Variants in HDAC9 observed in about 807,000 individuals in gnomAD.
The protein encoded by HDAC9 is histone deacetylase 9.
HDAC9 carries 41 observed loss-of-function variants against 139.4 expected under a neutral mutation model. The ratio of observed to expected loss-of-function variants is 0.29; its 90% confidence interval spans 0.23 to 0.38. The LOEUF is 0.38. Among genes scored for constraint, HDAC9 ranks in the 10% least tolerant of loss-of-function variants. The pLI is 1.00. For synonymous variants in HDAC9, 517 were observed against 476.2 expected (o/e 1.09, Z -1.12); for missense variants, 1,147 against 1,297.0 (o/e 0.88, Z 1.78).
rs929770631 is a variant in HDAC9, at chr7:18,998,105, A to G, written c.*2043A>G. On this transcript the variant is annotated 3_prime_UTR_variant, in exon 26 of 26. Coordinates refer to ENST00000686413, the MANE Select transcript of HDAC9 (RefSeq NM_178425.4). ...AAAAAAATAGTAGAGCCAAAGGCTT[A>G]ACAAAAGACTCTCCCCCATTTTAAA... The G allele has an allele frequency of 1.3e-5, 2 of 152,178 alleles. No homozygotes were observed. The highest frequency in any genetic ancestry group is 6.5e-5 in the Admixed American group (1 of 15,278). The allele number at this position is 152,178 out of a possible 1,614,324, so 9.4% of individuals were successfully genotyped here. A position where few individuals can be genotyped will look rare whatever the true frequency, so the allele number is the denominator to read the frequency against.
intron 2 of HDAC9, among the ~76,000 whole-genome samples, chr7:18,180,441 T>A (rs1466366181): frequency 1.3e-5 from 2 of 152,118 alleles, no homozygotes; most frequent in East Asian, 3.9e-4. Flanking sequence ...GCTAAGTCAC[T>A]GATAAGATTG....
At chr7:18,313,689 G>T (rs1042577348) in intron 1 of HDAC9, among the ~76,000 whole-genome samples, 31 of 152,124 alleles carry the variant, frequency 2.0e-4, no homozygotes, top group African/African-American at 7.5e-4. Flanking sequence ...AATTTAAAAT[G>T]CTACTCTTGA....
intron 1 of HDAC9, among the ~76,000 whole-genome samples, chr7:18,371,860 CT>C (rs1217235748): frequency 6.6e-6 from 1 of 152,154 alleles, no homozygotes; most frequent in Non-Finnish European, 1.5e-5. Flanking sequence ...CAAAAACAGA[CT>C]TCAGAGATCT....
intron 13 of HDAC9, among the ~76,000 whole-genome samples, chr7:18,733,884 CT>C (rs1196613641): frequency 6.6e-6 from 1 of 151,924 alleles, no homozygotes; most frequent in East Asian, 1.9e-4. Context: ...ATATGCGTTT[CT>C]TTGTGGGAAG....
At chr7:18,980,684 TCTTGTTCTTCTTC>T (rs1240271407) in intron 25 of HDAC9, among the ~76,000 whole-genome samples, 1,802 of 145,404 alleles carry the variant, frequency 0.012, 37 homozygotes, top group African/African-American at 0.043. Flanking sequence ...TTCTTGTTCT[TCTTGTTCTTCTTC>T]CTTCTTCTTC....
At position 18,370,716 on chromosome 7, in the gene HDAC9, A is replaced by G. The variant is rs547235138; in HGVS notation, c.-42+80201A>G. On this transcript the variant is annotated intron_variant, in intron 1 of 3. Coordinates refer to the HDAC9 transcript ENST00000413509. Reference sequence around the variant, plus strand: ...CTGGATTCTGTTTGATGCATTTTGCATAAGGGTTCTATTTGGTCCATAATG... The same window carrying G: ...CTGGATTCTGTTTGATGCATTTTGCGTAAGGGTTCTATTTGGTCCATAATG... 8.1e-4 allele frequency among the ~76,000 whole-genome samples: 124 copies of G among 152,282 alleles called. No homozygotes were observed. In the Middle Eastern group the frequency reaches 0.02, roughly 25 times the overall value.
At chr7:18,648,975 C>T (rs192348605) in intron 11 of HDAC9, among the ~76,000 whole-genome samples, 4 of 152,262 alleles carry the variant, frequency 2.6e-5, no homozygotes, top group Admixed American at 2.0e-4. Flanking sequence ...TATATGGAGC[C>T]TCATTTTTTA....
chr7:18,369,292 A>T (rs1784416907), intron 1 of HDAC9, among the ~76,000 whole-genome samples: 1 of 152,104 alleles, frequency 6.6e-6, no homozygotes. Flanking sequence ...ACACTTAAAA[A>T]ATTCTTTTAG....
intron 21 of HDAC9, among the ~76,000 whole-genome samples, chr7:18,837,743 AT>A (rs904245607): frequency 6.6e-6 from 1 of 152,038 alleles, no homozygotes; most frequent in Non-Finnish European, 1.5e-5. Flanking sequence ...GGTGGATGAG[AT>A]TTTTTTCTAA....
chr7:18,164,415 T>C (rs998975763), intron 2 of HDAC9, among the ~76,000 whole-genome samples: 2 of 152,226 alleles, frequency 1.3e-5, no homozygotes, highest in Admixed American at 6.5e-5. Flanking sequence ...ACATCTTTTT[T>C]CCCCACTATC....
At chr7:18,727,466 A>G in intron 12 of HDAC9, 114 bp from the exon 13 acceptor site, 1 of 830,240 alleles carries the variant, frequency 1.2e-6, no homozygotes. Flanking sequence ...TTTTTCCTTC[A>G]CACCGTTTAT....
At position 18,984,469 on chromosome 7, in the gene HDAC9, A is replaced by ATAACT. The variant is rs1785167805; in HGVS notation, c.3170+8519_3170+8523dup. Reference sequence around the variant, plus strand: ...TAAGCTTTCACAGAGAGAGAGAGAGATAACTTAGGTCTATACATTGAACAG... The same window carrying ATAACT: ...TAAGCTTTCACAGAGAGAGAGAGAGATAACTTAACTTAGGTCTATACATTGAACAG... On this transcript the variant is annotated intron_variant, in intron 25 of 25. Transcript: ENST00000686413. Among the ~76,000 whole-genome samples, 3 of 152,234 alleles carry ATAACT rather than the reference A, an allele frequency of 2.0e-5. No homozygotes were observed. The South Asian group carries it at 6.2e-4, about 32-fold the overall frequency.
chr7:18,991,417 G>T (rs1329743081), intron 25 of HDAC9, among the ~76,000 whole-genome samples: 2 of 152,186 alleles, frequency 1.3e-5, no homozygotes, highest in South Asian at 2.1e-4. Context: ...GAGGCGGGCA[G>T]ATCACGAGGT....
At chr7:18,947,833 A>T (rs1314417553) in intron 23 of HDAC9, among the ~76,000 whole-genome samples, 1 of 152,022 alleles carries the variant, frequency 6.6e-6, no homozygotes, top group Non-Finnish European at 1.5e-5. Context: ...TATTTCTCAT[A>T]GTCATAGTAG....
chr7:18,175,731 T>A (rs952980630), intron 2 of HDAC9, among the ~76,000 whole-genome samples: 1 of 151,762 alleles, frequency 6.6e-6, no homozygotes, highest in African/African-American at 2.4e-5. Flanking sequence ...TTATAGGAAA[T>A]TGATAAGCTT....
At chr7:18,450,349 A>T (rs1792700939) in intron 1 of HDAC9, among the ~76,000 whole-genome samples, 1 of 152,190 alleles carries the variant, frequency 6.6e-6, no homozygotes, top group South Asian at 2.1e-4. Flanking sequence ...CAACTTTGCC[A>T]TTGTTTTAAA....
At chr7:18,932,509 G>A (rs1226557743) in intron 22 of HDAC9, among the ~76,000 whole-genome samples, 1 of 152,188 alleles carries the variant, frequency 6.6e-6, no homozygotes, top group South Asian at 2.1e-4. Context: ...TACCCTGGGG[G>A]CATCTATACC....
At chr7:18,183,285 A>G (rs1229728001) in intron 2 of HDAC9, among the ~76,000 whole-genome samples, 1 of 152,230 alleles carries the variant, frequency 6.6e-6, no homozygotes, top group Non-Finnish European at 1.5e-5. Flanking sequence ...CTGGGATTAC[A>G]GGCGTGAGCC....
intron 17 of HDAC9, among the ~76,000 whole-genome samples, chr7:18,815,164 A>T (rs181677255): frequency 1.3e-5 from 2 of 152,286 alleles, no homozygotes; most frequent in East Asian, 3.9e-4. Context: ...TCTTAAAAAA[A>T]TAGTGTCTTA....
Sources: gnomAD v4.1 joint callset for allele counts (sites outside exome capture counted in the v4.1 genomes callset) on GRCh38, gnomAD v4.1.1 for gene constraint, MANE v1.5 for transcripts, NCBI Gene and HGNC (gene_info 2026-07-23, HGNC 2026-07-21) for gene names.